GHR: variants seen among roughly 807,000 people sequenced by gnomAD.
GHR encodes the protein GH receptor.
Under a neutral mutation model 67.1 loss-of-function variants are expected in GHR, and 35 were observed. That is an observed-to-expected ratio of 0.52 (90% CI 0.40 to 0.69). The LOEUF is 0.69. Ranked by LOEUF, GHR falls within the 30% of genes least tolerant of loss-of-function variation. The pLI, the probability that GHR is intolerant of heterozygous loss-of-function variation, is 0.00. For synonymous variants in GHR, 272 were observed against 269.1 expected (o/e 1.01, Z -0.10); for missense variants, 792 against 764.6 (o/e 1.04, Z -0.42).
At chr5:42,651,060 A>G (rs1754998241) in intron 3 of GHR, among the ~76,000 whole-genome samples, 1 of 152,308 alleles carries the variant, frequency 6.6e-6, no homozygotes, top group South Asian at 2.1e-4. Context: ...CATCCTAGAA[A>G]AAAAGATTTC....
At chr5:42,663,042 C>T (rs1170814010) in intron 3 of GHR, among the ~76,000 whole-genome samples, 2 of 152,076 alleles carry the variant, frequency 1.3e-5, no homozygotes, top group African/African-American at 4.8e-5. Context: ...AAGACTAAAC[C>T]AGGAAGAGTT....
chr5:42,532,319 G>C (rs1227482434), intron 1 of GHR, among the ~76,000 whole-genome samples: 1 of 151,526 alleles, frequency 6.6e-6, no homozygotes, highest in African/African-American at 2.4e-5. Context: ...TCTAGGCAAA[G>C]GTATAGATTT....
intron 1 of GHR, among the ~76,000 whole-genome samples, chr5:42,465,059 C>G (rs1010336625): frequency 4.6e-5 from 7 of 152,288 alleles, no homozygotes; most frequent in African/African-American, 9.6e-5. Context: ...AATGATTATT[C>G]TGTAAAGTGC....
At chr5:42,468,725 C>G in intron 1 of GHR, 2 of 995,436 alleles carry the variant, frequency 2.0e-6, no homozygotes, top group Middle Eastern at 3.2e-4. Context: ...CTCTTGGCCC[C>G]AGAGACGCCG....
At chr5:42,587,702 A>G (rs1425758050) in intron 2 of GHR, among the ~76,000 whole-genome samples, 2 of 151,034 alleles carry the variant, frequency 1.3e-5, no homozygotes, top group African/African-American at 4.9e-5. Context: ...AGAAACAGAG[A>G]CTTGACTTAT....
At chr5:42,645,470 G>A (rs1307463261) in intron 3 of GHR, among the ~76,000 whole-genome samples, 1 of 152,174 alleles carries the variant, frequency 6.6e-6, no homozygotes, top group African/African-American at 2.4e-5. Context: ...TAACCAATAG[G>A]CTTTTTATTT....
At chr5:42,557,113 A>T (rs1007381891) in intron 1 of GHR, among the ~76,000 whole-genome samples, 7 of 152,212 alleles carry the variant, frequency 4.6e-5, no homozygotes, top group African/African-American at 1.7e-4. Context: ...CTTAAAGTAG[A>T]CGAGGGAGGA....
At chr5:42,437,871 A>G (rs1185711233) in intron 1 of GHR, among the ~76,000 whole-genome samples, 1 of 151,590 alleles carries the variant, frequency 6.6e-6, no homozygotes, top group Admixed American at 6.6e-5. Flanking sequence ...GTCTTCTGAA[A>G]AAAAAAAAAA....
intron 2 of GHR, among the ~76,000 whole-genome samples, chr5:42,598,185 G>A (rs1325604590): frequency 6.6e-6 from 1 of 152,126 alleles, no homozygotes; most frequent in Non-Finnish European, 1.5e-5. Flanking sequence ...CATAATGTAT[G>A]TAAGTATTGT....
At chr5:42,501,998 CA>C (rs1434604661) in intron 1 of GHR, among the ~76,000 whole-genome samples, 2 of 152,306 alleles carry the variant, frequency 1.3e-5, no homozygotes, top group Middle Eastern at 3.4e-3. Flanking sequence ...CCAGCCCATT[CA>C]TATCCCTCCT....
chr5:42,432,071 T>A (rs1743120332), intron 1 of GHR, among the ~76,000 whole-genome samples: 1 of 152,222 alleles, frequency 6.6e-6, no homozygotes, highest in Non-Finnish European at 1.5e-5. Context: ...TTTGCTGTAG[T>A]AACTCCTTGA....
At chr5:42,442,258 T>A (rs1743611057) in intron 1 of GHR, among the ~76,000 whole-genome samples, 1 of 152,192 alleles carries the variant, frequency 6.6e-6, no homozygotes, top group Non-Finnish European at 1.5e-5. Flanking sequence ...TGAAATTTAG[T>A]AGGACTGCTA....
intron 3 of GHR, among the ~76,000 whole-genome samples, chr5:42,671,264 A>G (rs930151920): frequency 2.0e-5 from 3 of 152,166 alleles, no homozygotes; most frequent in African/African-American, 4.8e-5. Flanking sequence ...GTGAAACAGG[A>G]ACAGGCACAT....
At chr5:42,680,655 C>G (rs181823560) in intron 3 of GHR, among the ~76,000 whole-genome samples, 1 of 151,788 alleles carries the variant, frequency 6.6e-6, no homozygotes, top group South Asian at 2.1e-4. Flanking sequence ...CAGGTATGCC[C>G]CACCAGACCT....
At chr5:42,702,675 G>T (rs1403801523) in intron 6 of GHR, among the ~76,000 whole-genome samples, 1 of 151,946 alleles carries the variant, frequency 6.6e-6, no homozygotes, top group African/African-American at 2.4e-5. Context: ...GTGTGCAAGG[G>T]TTCCCTTTTG....
chr5:42,685,792 T>G (rs1262638236), intron 3 of GHR, among the ~76,000 whole-genome samples: 4 of 151,866 alleles, frequency 2.6e-5, no homozygotes, highest in African/African-American at 9.7e-5. Flanking sequence ...GATGGGGTTG[T>G]TTTTTTTCTT....
In GHR at chr5:42,720,756, A is replaced by G. The variant is rs1171968635; in HGVS notation, c.*1332A>G. ...TAAAAGAAACTTTCTTTCTCACTAAATCTTTTATAGGATTTATTTAAAATA... is the reference window on the plus strand; with the variant it reads ...TAAAAGAAACTTTCTTTCTCACTAAGTCTTTTATAGGATTTATTTAAAATA... On this transcript the variant is annotated 3_prime_UTR_variant, in exon 10 of 10. Coordinates refer to ENST00000230882, the MANE Select transcript of GHR (RefSeq NM_000163.5). 1 of 152,208 alleles carries G rather than the reference A, an allele frequency of 6.6e-6. No individual in the cohort carries two copies. The highest frequency in any genetic ancestry group is 1.5e-5 in the Non-Finnish European group (1 of 68,036). The allele number at this position is 152,208 out of a possible 1,614,324, so 9.4% of individuals were successfully genotyped here. A position where few individuals can be genotyped will look rare whatever the true frequency, so the allele number is the denominator to read the frequency against.
At chr5:42,484,158 T>A (rs1464926424) in intron 1 of GHR, among the ~76,000 whole-genome samples, 3 of 152,216 alleles carry the variant, frequency 2.0e-5, no homozygotes, top group Non-Finnish European at 2.9e-5. Context: ...TTTCATACTG[T>A]GGACATCCTT....
intron 3 of GHR, among the ~76,000 whole-genome samples, chr5:42,643,781 T>G (rs980981623): frequency 6.6e-6 from 1 of 152,096 alleles, no homozygotes; most frequent in Non-Finnish European, 1.5e-5. Flanking sequence ...ACTTAATCAT[T>G]TCTATTCCCA....
Sources: gnomAD v4.1 joint callset for allele counts (sites outside exome capture counted in the v4.1 genomes callset) on GRCh38, gnomAD v4.1.1 for gene constraint, MANE v1.5 for transcripts, NCBI Gene and HGNC (gene_info 2026-07-23, HGNC 2026-07-21) for gene names.